The following MEF2D variants were observed in gnomAD, a reference collection of about 807,000 sequenced individuals.
The protein encoded by MEF2D is myocyte enhancer factor 2D.
A neutral mutation model predicts 59.3 loss-of-function variants in MEF2D; 10 were observed. The ratio of observed to expected loss-of-function variants is 0.17; its 90% CI spans 0.10 to 0.29. MEF2D has a LOEUF of 0.29. Among genes scored for constraint, MEF2D ranks in the 10% least tolerant of loss-of-function variants. The pLI is 1.00. For synonymous variants in MEF2D, 305 were observed against 295.0 expected (o/e 1.03, Z -0.35); for missense variants, 508 against 699.4 (o/e 0.73, Z 3.09).
chr1:156,476,617 T>C (rs146520227), intron 7 of MEF2D, 103 bp from the exon 8 acceptor site: 49 of 1,438,882 alleles, frequency 3.4e-5, no homozygotes, highest in Non-Finnish European at 4.0e-5. Flanking sequence ...TGCATAAGAG[T>C]AGGGTGGCTC....
intron 9 of MEF2D, among the ~76,000 whole-genome samples, chr1:156,470,289 C>T (rs977334382): frequency 3.3e-5 from 5 of 151,870 alleles, no homozygotes; most frequent in South Asian, 4.2e-4. Flanking sequence ...GGCGGTGGCG[C>T]GCACCTGTAA....
chr1:156,483,345 G>A lies in MEF2D; in HGVS notation c.-53C>T. ...AGGGGAGGGGCTCGCTGGGTGGTGG[G>A]TCTCGGCACACCTTACACTGTGCTC... On this transcript the variant is annotated 5_prime_UTR_variant, in exon 2 of 12. Transcript: ENST00000348159. The A allele has an allele frequency of 6.5e-7, 1 of 1,531,590 alleles. No individual in the cohort carries two copies. The highest frequency in any genetic ancestry group is 1.1e-5 in the South Asian group (1 of 89,426). 94.9% of individuals were successfully genotyped at this position (1,531,590 alleles called of 1,614,324 possible).
At chr1:156,475,048 C>T (rs541802978) in intron 9 of MEF2D, 60 bp downstream of exon 9, 135 of 1,610,380 alleles carry the variant, frequency 8.4e-5, no homozygotes, top group Non-Finnish European at 1.1e-4. Context: ...GCATTTCTGT[C>T]TGGTCACTTG....
At chr1:156,476,746 T>C (rs1408264328) in intron 7 of MEF2D, among the ~76,000 whole-genome samples, 2 of 152,194 alleles carry the variant, frequency 1.3e-5, no homozygotes, top group Non-Finnish European at 2.9e-5. Context: ...CCTGCTATAG[T>C]GGCAAATCCT....
chr1:156,487,929 C>G (rs901328190), intron 1 of MEF2D, among the ~76,000 whole-genome samples: 10 of 152,248 alleles, frequency 6.6e-5, no homozygotes, highest in African/African-American at 2.4e-4. Flanking sequence ...TATCTGGAGC[C>G]CAGGGCTTGG....
intron 1 of MEF2D, among the ~76,000 whole-genome samples, chr1:156,488,797 G>A (rs779169484): frequency 4.6e-4 from 70 of 152,302 alleles, no homozygotes; most frequent in Non-Finnish European, 3.8e-4. Context: ...AAGGGGAGAG[G>A]TCAGGGTAGC....
intron 1 of MEF2D, among the ~76,000 whole-genome samples, chr1:156,499,739 G>A (rs541230553): frequency 6.6e-6 from 1 of 152,146 alleles, no homozygotes; most frequent in Admixed American, 6.5e-5. Context: ...GCAAACTTCT[G>A]GCCAGGGAGT....
At chr1:156,475,858 G>A (rs1446947865) in intron 8 of MEF2D, among the ~76,000 whole-genome samples, 2 of 152,236 alleles carry the variant, frequency 1.3e-5, no homozygotes, top group African/African-American at 4.8e-5. Context: ...CCTGGCTGGG[G>A]GTGAGTATGT....
Position 156,477,017 on chromosome 1 carries a change from G to A in MEF2D, c.850C>T (p.His284Tyr), listed in dbSNP as rs1355776353. The A allele has an allele frequency of 6.2e-7, 1 of 1,613,730 alleles. No homozygotes were observed. The highest frequency in any genetic ancestry group is 8.5e-7 in the Non-Finnish European group (1 of 1,179,870). Reference sequence around the variant, plus strand: ...TGGCCCAGACACCCACTTACCAAGTGATGCATTAACCCCTTTCCTGCCTGG... The same window carrying A: ...TGGCCCAGACACCCACTTACCAAGTAATGCATTAACCCCTTTCCTGCCTGG... Reference protein sequence around the residue: ...TSQAGKGLMHHLTEDHLDLNN... With the variant: ...TSQAGKGLMHYLTEDHLDLNN... Residue 284 changes from histidine (H) to tyrosine (Y), a missense_variant, in exon 7 of 12, where the codon CAC becomes TAC. His to Tyr is a moderately conservative substitution (Grantham distance 83). Transcript: ENST00000348159.
At position 156,482,367 on chromosome 1, in the gene MEF2D, T is replaced by C. The variant is rs1438223358; in HGVS notation, c.258+70A>G. The C allele has an allele frequency of 2.6e-6, 4 of 1,554,124 alleles. No homozygotes were observed. In the Admixed American group the frequency reaches 5.0e-5, roughly 20 times the overall value. ...GTGCATAGGCAGGTCTGCGTGTACA[T>C]GCAACGTGGGCACGTGTCCATGTGG... On this transcript the variant is annotated intron_variant, in intron 3 of 11. Transcript: ENST00000348159.
chr1:156,500,089 C>T (rs1236374877), intron 1 of MEF2D, among the ~76,000 whole-genome samples: 1 of 152,088 alleles, frequency 6.6e-6, no homozygotes, highest in Non-Finnish European at 1.5e-5. Flanking sequence ...GGAGGGCCGG[C>T]TGTTAAAATG....
At position 156,476,488 on chromosome 1, in the gene MEF2D, A is replaced by C. The variant is rs779012327; in HGVS notation, c.876+6T>G. On this transcript the variant is annotated splice_donor_region_variant and intron_variant, in intron 8 of 11. Coordinates refer to ENST00000348159, the MANE Select transcript of MEF2D (RefSeq NM_005920.4). ...GCCACAGCAAAGAGCTCACAGCCTC[A>C]CTTACCAGATCTAAATGGTCCTCAG... is the stretch of plus-strand genomic sequence containing the variant. 6.2e-7 allele frequency: 1 copy of C among 1,611,948 alleles called. No individual in the cohort carries two copies. The highest frequency in any genetic ancestry group is 1.1e-5 in the South Asian group (1 of 90,390).
chr1:156,478,600 A>T (rs1183625838), intron 6 of MEF2D, among the ~76,000 whole-genome samples: 1 of 152,082 alleles, frequency 6.6e-6, no homozygotes, highest in Non-Finnish European at 1.5e-5. Flanking sequence ...GCATGATCTC[A>T]GTTCACCACA....
At chr1:156,495,717 G>C (rs1435451142) in intron 1 of MEF2D, among the ~76,000 whole-genome samples, 1 of 127,278 alleles carries the variant, frequency 7.9e-6, no homozygotes, top group Non-Finnish European at 1.6e-5. Context: ...TGGAAAGTTG[G>C]GCAAGAGGGG....
Position 156,496,612 on chromosome 1 carries a change from G to A in MEF2D, c.-139+3874C>T, listed in dbSNP as rs142342800. On this transcript the variant is annotated intron_variant, in intron 1 of 11. Transcript: ENST00000348159. ...CTTCAAAGTTCTTGCTATGCCCTTC[G>A]CCTTCTTGCCTCCGGTCCCCTCAAC... Among the ~76,000 whole-genome samples the A allele has an allele frequency of 5.5e-3, 840 of 152,142 alleles. 2 individuals carry two copies. The highest frequency in any genetic ancestry group is 0.013 in the Admixed American group (204 of 15,290).
intron 4 of MEF2D, 150 bp from the exon 5 acceptor site, chr1:156,479,946 G>A (rs1671883739): frequency 1.4e-6 from 1 of 727,448 alleles, no homozygotes; most frequent in African/African-American, 1.8e-5. Context: ...GTGCCCTTGT[G>A]GAGTCCTGCC....
intron 8 of MEF2D, 106 bp from the exon 9 acceptor site, chr1:156,475,343 C>T (rs1352055911): frequency 1.8e-5 from 25 of 1,404,184 alleles, no homozygotes; most frequent in Non-Finnish European, 2.3e-5. Flanking sequence ...AAAGCCAAGG[C>T]GGGGTGCCTT....
chr1:156,472,301 G>A (rs1274722191), intron 9 of MEF2D, among the ~76,000 whole-genome samples: 1 of 152,224 alleles, frequency 6.6e-6, no homozygotes, highest in Non-Finnish European at 1.5e-5. Flanking sequence ...TTACAGATGG[G>A]GAGACGGGCC....
intron 1 of MEF2D, chr1:156,484,086 C>A (rs1026582649): frequency 6.6e-6 from 1 of 152,184 alleles, no homozygotes; most frequent in Admixed American, 6.5e-5. Flanking sequence ...CCTAAGGTTT[C>A]TTTTTATTTT....
Sources: allele counts gnomAD v4.1 joint callset (sites outside exome capture counted in the v4.1 genomes callset), GRCh38; gene constraint gnomAD v4.1.1; transcripts MANE v1.5; gene names NCBI Gene and HGNC (gene_info 2026-07-23, HGNC 2026-07-21).